The following NAV3 variants were observed in gnomAD, a reference collection of about 807,000 sequenced individuals.
The protein encoded by NAV3 is pore membrane and/or filament interacting like protein 1.
A neutral mutation model predicts 244.7 loss-of-function variants in NAV3; 87 were observed. The ratio of observed to expected loss-of-function variants is 0.36; its 90% CI spans 0.30 to 0.42. The LOEUF (loss-of-function observed/expected upper bound fraction) is 0.42. NAV3 is among the 20% of genes least tolerant of loss of function. The pLI, the probability that NAV3 is intolerant of heterozygous loss-of-function variation, is 1.00. For synonymous variants in NAV3, 1,126 were observed against 1,042.2 expected (o/e 1.08, Z -1.55); for missense variants, 2,663 against 2,893.3 (o/e 0.92, Z 1.83).
At chr12:77,719,971 A>G (rs973433783) in intron 2 of NAV3, among the ~76,000 whole-genome samples, 2 of 152,052 alleles carry the variant, frequency 1.3e-5, no homozygotes, top group African/African-American at 4.8e-5. Context: ...TACTGATTCA[A>G]TGTCTTAACT....
chr12:77,667,206 A>C (rs1010856167), intron 2 of NAV3, among the ~76,000 whole-genome samples: 2 of 152,140 alleles, frequency 1.3e-5, no homozygotes, highest in African/African-American at 2.4e-5. Context: ...CACATCATGA[A>C]CTTTTGCTCC....
Position 78,137,381 on chromosome 12 carries a change from G to C in NAV3, c.4630+16G>C, listed in dbSNP as rs761352475. 5.6e-5 allele frequency: 89 copies of C among 1,582,240 alleles called. No individual in the cohort carries two copies. In the Middle Eastern group the frequency reaches 1.4e-3, roughly 24 times the overall value. ...ATGGAAGAAGGTAAGCGTTGAGGGGGATTAAAGATGAAGTCACTTTATTTA... is the reference window on the plus strand; with the variant it reads ...ATGGAAGAAGGTAAGCGTTGAGGGGCATTAAAGATGAAGTCACTTTATTTA... On this transcript the variant is annotated intron_variant, in intron 19 of 39. Transcript: ENST00000397909.
At chr12:78,192,442 G>A (rs902358363) in intron 34 of NAV3, among the ~76,000 whole-genome samples, 11 of 149,878 alleles carry the variant, frequency 7.3e-5, no homozygotes, top group Admixed American at 1.3e-4. Context: ...GTCTTGCTCT[G>A]TTGCCCAAGC....
intron 9 of NAV3, among the ~76,000 whole-genome samples, chr12:78,025,072 A>C (rs1284359246): frequency 6.6e-6 from 1 of 152,138 alleles, no homozygotes; most frequent in African/African-American, 2.4e-5. Context: ...GGCATGCTGT[A>C]AAAAGAGTAC....
intron 2 of NAV3, among the ~76,000 whole-genome samples, chr12:77,686,416 CTTTCTTTCTTTTT>C (rs1874749206): frequency 2.0e-5 from 1 of 49,286 alleles, no homozygotes; most frequent in Non-Finnish European, 4.6e-5. Flanking sequence ...TCTTTTCTTT[CTTTCTTTCTTTTT>C]TTTTTTTTTT....
chr12:77,796,817 T>A (rs1194467546), intron 2 of NAV3, among the ~76,000 whole-genome samples: 1 of 151,242 alleles, frequency 6.6e-6, no homozygotes, highest in African/African-American at 2.4e-5. Context: ...CTGTTAAGAC[T>A]TTTAGCAATA....
intron 12 of NAV3, among the ~76,000 whole-genome samples, chr12:78,084,841 T>C (rs1953547083): frequency 6.6e-6 from 1 of 152,180 alleles, no homozygotes. Flanking sequence ...CTCTCCTGAC[T>C]TGGCCTATCA....
chr12:77,648,906 ATTC>A (rs574013513), intron 2 of NAV3, among the ~76,000 whole-genome samples: 57 of 152,218 alleles, frequency 3.7e-4, no homozygotes, highest in Admixed American at 8.5e-4. Flanking sequence ...GACATAATTC[ATTC>A]TTCTGGCAAG....
chr12:78,202,317 G>A (rs949951663), intron 38 of NAV3, among the ~76,000 whole-genome samples: 64 of 151,850 alleles, frequency 4.2e-4, no homozygotes, highest in African/African-American at 1.5e-3. Context: ...TATGGTTTTG[G>A]TTTTAATAAA....
chr12:78,117,442 A>C (rs1215578304), intron 13 of NAV3, among the ~76,000 whole-genome samples: 2 of 145,756 alleles, frequency 1.4e-5, no homozygotes, highest in Non-Finnish European at 3.0e-5. Context: ...ATATTTGTAT[A>C]GATAACTACA....
Position 78,212,300 on chromosome 12 carries a change from ACTT to A in NAV3, c.*1789_*1791del, listed in dbSNP as rs1184204222. On this transcript the variant is annotated 3_prime_UTR_variant, in exon 40 of 40. Transcript: ENST00000397909. ...ACCCAAGGGCTAGGCCATGGTATAG[ACTT>A]CTTCTATGAGTGTGTGAAAATGTGT... The A allele has an allele frequency of 6.6e-6, 1 of 152,566 alleles. No homozygotes were observed. The highest frequency in any genetic ancestry group is 1.5e-5 in the Non-Finnish European group (1 of 68,034). 9.5% of individuals were successfully genotyped at this position (152,566 alleles called of 1,614,324 possible). A position where few individuals can be genotyped will look rare whatever the true frequency, so the allele number is the denominator to read the frequency against.
At chr12:77,913,839 A>G (rs1438150766) in intron 1 of NAV3, among the ~76,000 whole-genome samples, 1 of 152,050 alleles carries the variant, frequency 6.6e-6, no homozygotes, top group Non-Finnish European at 1.5e-5. Flanking sequence ...ATGTTTCCTT[A>G]ATTATGTTTC....
At chr12:77,706,258 C>T (rs2137226330) in intron 2 of NAV3, among the ~76,000 whole-genome samples, 1 of 151,312 alleles carries the variant, frequency 6.6e-6, no homozygotes, top group East Asian at 1.9e-4. Context: ...AATAGATCTC[C>T]CTTATGAATG....
intron 39 of NAV3, among the ~76,000 whole-genome samples, chr12:78,207,374 T>C (rs80157427): frequency 0.082 from 12,549 of 152,278 alleles, 667 homozygotes; most frequent in Non-Finnish European, 0.13. Context: ...TTAATAAGTA[T>C]GTCCTTAATG....
chr12:78,052,251 A>G (rs1316252905), intron 11 of NAV3: 3 of 152,206 alleles, frequency 2.0e-5, no homozygotes, highest in African/African-American at 7.2e-5. Context: ...GCTTTTGATT[A>G]CATTTATAGC....
intron 5 of NAV3, among the ~76,000 whole-genome samples, chr12:77,975,290 C>T (rs182814861): frequency 1.5e-4 from 23 of 152,172 alleles, no homozygotes; most frequent in East Asian, 5.8e-4. Context: ...TTATTAAGCA[C>T]GTAGTATGTT....
intron 12 of NAV3, among the ~76,000 whole-genome samples, chr12:78,077,931 C>T (rs543174637): frequency 2.6e-5 from 4 of 152,150 alleles, no homozygotes; most frequent in Non-Finnish European, 4.4e-5. Context: ...AAGAGCAAAA[C>T]TCTGCCTCAA....
intron 9 of NAV3, among the ~76,000 whole-genome samples, chr12:78,035,875 G>A (rs944791844): frequency 6.6e-6 from 1 of 152,164 alleles, no homozygotes; most frequent in African/African-American, 2.4e-5. Context: ...GGTGGAGAGT[G>A]TCATGCTTCA....
chr12:78,168,585 T>A (rs1957876436), intron 23 of NAV3, among the ~76,000 whole-genome samples, 170 bp from the exon 24 acceptor site: 2 of 151,824 alleles, frequency 1.3e-5, no homozygotes, highest in Non-Finnish European at 2.9e-5. Flanking sequence ...CCTCCTTTAC[T>A]TTAGCTGAGA....
Sources: gnomAD v4.1 joint callset for allele counts (sites outside exome capture counted in the v4.1 genomes callset) on GRCh38, gnomAD v4.1.1 for gene constraint, MANE v1.5 for transcripts, NCBI Gene and HGNC (gene_info 2026-07-23, HGNC 2026-07-21) for gene names.